The following UCHL3 variants were observed in gnomAD, a reference collection of about 807,000 sequenced individuals.
The protein encoded by UCHL3 is ubiquitin C-terminal hydrolase L3.
UCHL3 carries 22 observed loss-of-function variants against 35.8 expected under a neutral mutation model. The observed-to-expected ratio is 0.61, with a 90% CI of 0.44 to 0.88. UCHL3 has a LOEUF of 0.88. Ranked by LOEUF, UCHL3 falls within the 40% of genes least tolerant of loss-of-function variation. UCHL3 has a pLI of 0.00. For synonymous variants in UCHL3, 90 were observed against 92.8 expected (o/e 0.97, Z 0.17); for missense variants, 229 against 276.9 (o/e 0.83, Z 1.23).
intron 7 of UCHL3, among the ~76,000 whole-genome samples, chr13:75,600,524 C>T (rs901343467): frequency 1.3e-5 from 2 of 152,120 alleles, no homozygotes; most frequent in Non-Finnish European, 2.9e-5. Flanking sequence ...TCTTCTCTGC[C>T]TATGTTCTAT....
chr13:75,562,026 A>C (rs1216475820), intron 3 of UCHL3, among the ~76,000 whole-genome samples: 7 of 152,080 alleles, frequency 4.6e-5, no homozygotes, highest in Non-Finnish European at 1.0e-4. Flanking sequence ...GTAGTTATGA[A>C]AAATGAAGAA....
intron 7 of UCHL3, among the ~76,000 whole-genome samples, chr13:75,602,803 T>TA (rs1371260492): frequency 1.3e-5 from 2 of 152,166 alleles, no homozygotes; most frequent in African/African-American, 4.8e-5. Context: ...AGAATAACAG[T>TA]AAAAATCATA....
chr13:75,570,279 C>A (rs2031812724), intron 6 of UCHL3, among the ~76,000 whole-genome samples: 1 of 151,934 alleles, frequency 6.6e-6, no homozygotes, highest in African/African-American at 2.4e-5. Flanking sequence ...GCTCAGTTGC[C>A]CAGGCTGGAG....
intron 6 of UCHL3, among the ~76,000 whole-genome samples, chr13:75,579,879 C>T (rs2032131911): frequency 6.6e-6 from 1 of 152,066 alleles, no homozygotes; most frequent in Admixed American, 6.6e-5. Context: ...TTTGGGGCTA[C>T]TCTCAAACTG....
chr13:75,571,050 A>AAATGCTGT, intron 6 of UCHL3, among the ~76,000 whole-genome samples: 1 of 152,280 alleles, frequency 6.6e-6, no homozygotes, highest in African/African-American at 2.4e-5. Context: ...GAAATTAATG[A>AAATGCTGT]AATGCTGTTT....
chr13:75,591,723 G>A (rs575763395), intron 6 of UCHL3, among the ~76,000 whole-genome samples: 52 of 152,184 alleles, frequency 3.4e-4, no homozygotes, highest in African/African-American at 1.1e-3. Flanking sequence ...GACCTACAGC[G>A]TGTTACTTAA....
At chr13:75,594,088 A>G (rs951515222) in intron 6 of UCHL3, among the ~76,000 whole-genome samples, 3 of 152,210 alleles carry the variant, frequency 2.0e-5, no homozygotes, top group Admixed American at 2.0e-4. Flanking sequence ...TATTAGCTGT[A>G]TAGTTACTAC....
chr13:75,582,071 C>A (rs2032202009), intron 6 of UCHL3, among the ~76,000 whole-genome samples: 1 of 152,168 alleles, frequency 6.6e-6, no homozygotes, highest in Non-Finnish European at 1.5e-5. Context: ...CTCTGGCTTT[C>A]ACACTCACTA....
chr13:75,604,086 T>TC (rs2032860334), intron 7 of UCHL3, among the ~76,000 whole-genome samples: 1 of 152,132 alleles, frequency 6.6e-6, no homozygotes, highest in African/African-American at 2.4e-5. Flanking sequence ...TAGAAGGGGC[T>TC]GTGTTTTATG....
At chr13:75,560,718 T>A in intron 2 of UCHL3, 35 bp from the exon 3 acceptor site, 1 of 1,568,440 alleles carries the variant, frequency 6.4e-7, no homozygotes, top group East Asian at 2.2e-5. Flanking sequence ...CAACTAATGT[T>A]CCATTGTTTT....
intron 6 of UCHL3, among the ~76,000 whole-genome samples, chr13:75,586,545 A>G (rs1326294779): frequency 6.6e-6 from 1 of 152,026 alleles, no homozygotes; most frequent in Non-Finnish European, 1.5e-5. Flanking sequence ...ACACTTCAGA[A>G]ATTTGGAATA....
intron 2 of UCHL3, among the ~76,000 whole-genome samples, chr13:75,553,214 G>GTAA (rs2031175420): frequency 6.6e-6 from 1 of 152,158 alleles, no homozygotes; most frequent in African/African-American, 2.4e-5. Flanking sequence ...TTGAGCTGCT[G>GTAA]CCTTACCTGT....
intron 2 of UCHL3, among the ~76,000 whole-genome samples, chr13:75,559,261 C>T (rs1335424173): frequency 2.0e-5 from 3 of 150,190 alleles, no homozygotes; most frequent in Non-Finnish European, 3.0e-5. Flanking sequence ...AGGATGGTCT[C>T]GATCTCCTGA....
At chr13:75,599,086 A>T (rs992994918) in intron 7 of UCHL3, among the ~76,000 whole-genome samples, 11 of 151,534 alleles carry the variant, frequency 7.3e-5, no homozygotes, top group African/African-American at 1.5e-4. Flanking sequence ...CCCTTGTCAC[A>T]GCCTCCTGAG....
At chr13:75,566,364 A>T (rs1438711453) in intron 3 of UCHL3, among the ~76,000 whole-genome samples, 1 of 152,234 alleles carries the variant, frequency 6.6e-6, no homozygotes, top group Non-Finnish European at 1.5e-5. Context: ...GTCTTAGACC[A>T]ATCTCCTACA....
chr13:75,560,822 C>T lies in UCHL3; in HGVS notation c.124C>T (p.Leu42Phe), dbSNP rs775053154. 1 of 1,584,076 alleles carries T rather than the reference C, an allele frequency of 6.3e-7. No individual in the cohort carries two copies. Among genetic ancestry groups the T allele is most frequent in the East Asian group, 2.3e-5 (1 of 43,470 alleles). ...VDVYGMDPEL[L>F]SMVPRPVCAV... ...TGTATATGGAATGGATCCTGAACTC[C>T]TTAGCATGGTACCAAGACCAGTCTG... is the stretch of plus-strand genomic sequence containing the variant. The change falls in exon 3 of 9, where the codon CTT becomes TTT. Residue 42 changes from leucine to phenylalanine, a missense_variant. Physicochemically the swap from Leu to Phe is conservative, Grantham distance 22. Transcript: ENST00000377595.
At chr13:75,580,558 C>T (rs943008487) in intron 6 of UCHL3, among the ~76,000 whole-genome samples, 3 of 152,244 alleles carry the variant, frequency 2.0e-5, no homozygotes, top group Non-Finnish European at 4.4e-5. Context: ...TCCTCTCCCT[C>T]TCCCTCTCCT....
chr13:75,589,881 T>A (rs2032429280), intron 6 of UCHL3: 1 of 1,222,936 alleles, frequency 8.2e-7, no homozygotes, highest in Non-Finnish European at 1.1e-6. Context: ...CTTTTAAGAA[T>A]AAATGATCAC....
At chr13:75,603,502 A>AT (rs2138593275) in intron 7 of UCHL3, among the ~76,000 whole-genome samples, 1 of 152,196 alleles carries the variant, frequency 6.6e-6, no homozygotes, top group South Asian at 2.1e-4. Flanking sequence ...AAAAGGAAAA[A>AT]ATATATATTA....
Sources: allele counts gnomAD v4.1 joint callset (sites outside exome capture counted in the v4.1 genomes callset), GRCh38; gene constraint gnomAD v4.1.1; transcripts MANE v1.5; gene names NCBI Gene and HGNC (gene_info 2026-07-23, HGNC 2026-07-21).